DTNB: variants seen among roughly 807,000 people sequenced by gnomAD.
DTNB encodes dystrobrevin beta, also known as DTN-B.
Under a neutral mutation model 90.7 loss-of-function variants are expected in DTNB, and 63 were observed. That is an observed-to-expected ratio of 0.69 (90% CI 0.57 to 0.86). The LOEUF (loss-of-function observed/expected upper bound fraction) is 0.86, where lower values mean the gene tolerates loss of function less well. Among genes scored for constraint, DTNB ranks in the 40% least tolerant of loss-of-function variants. DTNB has a pLI of 0.00. For synonymous variants in DTNB, 277 were observed against 286.7 expected (o/e 0.97, Z 0.34); for missense variants, 744 against 807.1 (o/e 0.92, Z 0.95).
At chr2:25,521,416 T>C (rs2076114468) in intron 9 of DTNB, among the ~76,000 whole-genome samples, 1 of 147,942 alleles carries the variant, frequency 6.8e-6, no homozygotes, top group African/African-American at 2.5e-5. Context: ...TAAGACAGAG[T>C]CTTGCTATGT....
chr2:25,605,309 T>C (rs2066871025), intron 5 of DTNB, among the ~76,000 whole-genome samples: 1 of 152,238 alleles, frequency 6.6e-6, no homozygotes, highest in Admixed American at 6.5e-5. Flanking sequence ...ATCCAAACAC[T>C]ATTGCAATGA....
chr2:25,580,380 G>T (rs1268454069), intron 7 of DTNB, among the ~76,000 whole-genome samples: 2 of 151,862 alleles, frequency 1.3e-5, no homozygotes, highest in Non-Finnish European at 2.9e-5. Context: ...AATTAACCAG[G>T]TGTGGTGGCC....
intron 8 of DTNB, among the ~76,000 whole-genome samples, chr2:25,556,994 G>A (rs955763811): frequency 1.3e-5 from 2 of 152,152 alleles, no homozygotes; most frequent in Admixed American, 6.5e-5. Context: ...ACTTTCATGT[G>A]TTATAAGTCA....
At chr2:25,512,410 A>T (rs1343796672) in intron 9 of DTNB, among the ~76,000 whole-genome samples, 2 of 152,232 alleles carry the variant, frequency 1.3e-5, no homozygotes, top group Non-Finnish European at 2.9e-5. Flanking sequence ...AACACAAATC[A>T]GTATAAAGTT....
chr2:25,416,420 C>T (rs1386566563), intron 16 of DTNB, among the ~76,000 whole-genome samples: 1 of 152,100 alleles, frequency 6.6e-6, no homozygotes, highest in Non-Finnish European at 1.5e-5. Flanking sequence ...GCCTGTAATC[C>T]CAACACTTTG....
intron 16 of DTNB, among the ~76,000 whole-genome samples, chr2:25,407,827 C>T (rs1250679800): frequency 1.3e-5 from 2 of 152,196 alleles, no homozygotes; most frequent in African/African-American, 4.8e-5. Context: ...GTGCAATGTA[C>T]ACTAGTTGGG....
intron 3 of DTNB, among the ~76,000 whole-genome samples, chr2:25,631,107 G>C (rs944835791): frequency 6.6e-6 from 1 of 152,082 alleles, no homozygotes. Context: ...GGGTGATGAA[G>C]ATGTTCTAGA....
chr2:25,418,463 G>T (rs1233615056), intron 16 of DTNB, among the ~76,000 whole-genome samples: 1 of 152,212 alleles, frequency 6.6e-6, no homozygotes, highest in Non-Finnish European at 1.5e-5. Context: ...CACTTTGGGA[G>T]GCTGAGGCAG....
intron 2 of DTNB, among the ~76,000 whole-genome samples, chr2:25,648,440 T>C (rs1229935850): frequency 6.6e-6 from 1 of 151,356 alleles, no homozygotes; most frequent in East Asian, 1.9e-4. Flanking sequence ...GGATATTATA[T>C]AAAGTCATAA....
At chr2:25,463,435 T>G (rs1197219333) in intron 10 of DTNB, among the ~76,000 whole-genome samples, 2 of 152,168 alleles carry the variant, frequency 1.3e-5, no homozygotes, top group Non-Finnish European at 2.9e-5. Context: ...TGTGCACTCT[T>G]CTGCTCATAC....
At chr2:25,504,287 G>GGAAGGAAAGAAA (rs374185553) in intron 9 of DTNB, among the ~76,000 whole-genome samples, 1 of 148,310 alleles carries the variant, frequency 6.7e-6, no homozygotes, top group East Asian at 2.0e-4. Context: ...ACAGATGGAA[G>GGAAGGAAAGAAA]GAAGGAAAGA....
intron 9 of DTNB, among the ~76,000 whole-genome samples, chr2:25,487,648 A>T (rs578262362): frequency 6.6e-6 from 1 of 152,174 alleles, no homozygotes; most frequent in East Asian, 1.9e-4. Context: ...TCGTCATGGA[A>T]GGCCTCAGAG....
At chr2:25,622,614 C>T (rs1273043733) in intron 4 of DTNB, among the ~76,000 whole-genome samples, 1 of 152,140 alleles carries the variant, frequency 6.6e-6, no homozygotes, top group Non-Finnish European at 1.5e-5. Context: ...CTTCCCACCT[C>T]CAGCACATCC....
In DTNB at chr2:25,424,668, C is replaced by T. The variant is rs955470102; in HGVS notation, c.1554+2867G>A. On this transcript the variant is annotated intron_variant, in intron 15 of 20. Transcript: ENST00000406818. This position sits in a 1 kb window ranked among gnomAD's most constrained non-coding sequence, Gnocchi z 4.1. ...ACACAGGGAAGAGGTGAGTGGATCC[C>T]CTATTTTTTTTTTTTTTGAGACTGA... 6.6e-6 allele frequency among the ~76,000 whole-genome samples: 1 copy of T among 151,396 alleles called. No homozygotes were observed. The highest frequency in any genetic ancestry group is 1.5e-5 in the Non-Finnish European group (1 of 67,934).
chr2:25,467,119 T>C (rs2061928870), intron 10 of DTNB, among the ~76,000 whole-genome samples: 1 of 152,302 alleles, frequency 6.6e-6, no homozygotes, highest in African/African-American at 2.4e-5. Flanking sequence ...GCCACATTCA[T>C]CTTCCCAATA....
chr2:25,419,421 G>A (rs2048783978), intron 16 of DTNB, 94 bp downstream of exon 16: 1 of 1,530,246 alleles, frequency 6.5e-7, no homozygotes, highest in South Asian at 1.2e-5. Flanking sequence ...CTTCAGAGAT[G>A]ATGTGCGGGG....
At chr2:25,422,000 T>C (rs982590564) in intron 15 of DTNB, among the ~76,000 whole-genome samples, 2 of 152,216 alleles carry the variant, frequency 1.3e-5, no homozygotes, top group African/African-American at 2.4e-5. Flanking sequence ...TAGTGTTGTA[T>C]AATTTAAACT....
intron 16 of DTNB, 41 bp from the exon 17 acceptor site, chr2:25,388,402 T>C (rs752030808): frequency 1.9e-6 from 3 of 1,557,828 alleles, no homozygotes; most frequent in Non-Finnish European, 2.6e-6. Context: ...CTCAAGTACC[T>C]GACCTCTTTG....
chr2:25,459,097 C>T (rs1558616434), intron 10 of DTNB, among the ~76,000 whole-genome samples: 1 of 150,366 alleles, frequency 6.7e-6, no homozygotes, highest in Non-Finnish European at 1.5e-5. Context: ...CAATTTGATT[C>T]TGATGTGCCT....
Sources: gnomAD v4.1 joint callset for allele counts (sites outside exome capture counted in the v4.1 genomes callset) on GRCh38, gnomAD v4.1.1 for gene constraint, Gnocchi (gnomAD v3.1) non-coding constraint, MANE v1.5 for transcripts, NCBI Gene and HGNC (gene_info 2026-07-23, HGNC 2026-07-21) for gene names.